The following STPG2 variants were observed in gnomAD, a reference collection of about 807,000 sequenced individuals.
STPG2 encodes sperm-tail PG-rich repeat-containing protein 2.
In STPG2, 56 loss-of-function variants were observed where a neutral mutation model predicts 54.2. That is an observed-to-expected ratio of 1.03 (90% CI 0.83 to 1.29). The LOEUF (loss-of-function observed/expected upper bound fraction) is 1.29, where lower values mean the gene tolerates loss of function less well. STPG2 is among the 50% of genes most tolerant of loss of function. The pLI, the probability that STPG2 is intolerant of heterozygous loss-of-function variation, is 0.00. For synonymous variants in STPG2, 200 were observed against 181.8 expected (o/e 1.10, Z -0.81); for missense variants, 596 against 544.9 (o/e 1.09, Z -0.93).
chr4:97,930,335 T>C (rs1339499508), intron 8 of STPG2, among the ~76,000 whole-genome samples: 1 of 152,238 alleles, frequency 6.6e-6, no homozygotes, highest in Non-Finnish European at 1.5e-5. Flanking sequence ...TCTTTAATCA[T>C]CTTGAGTTGT....
At chr4:97,530,776 G>A (rs1274717263) in intron 4 of STPG2, among the ~76,000 whole-genome samples, 2 of 151,956 alleles carry the variant, frequency 1.3e-5, no homozygotes, top group Non-Finnish European at 2.9e-5. Flanking sequence ...ATTGTCAATG[G>A]CACCCCTCCC....
In STPG2 at chr4:97,981,235, T is replaced by C. The variant is rs775780937; in HGVS notation, c.696A>G (p.Thr232=). ...PRTALKSLKK[T]SGLKNIPFGQ... is the part of the protein sequence containing the mutation. Reference sequence around the variant, plus strand: ...CAAATGGAATATTTTTCAGTCCTGATGTTTTCTTCAAAGACTTGAGAGCAG... The same window carrying C: ...CAAATGGAATATTTTTCAGTCCTGACGTTTTCTTCAAAGACTTGAGAGCAG... Residue 232 remains threonine (T), a synonymous_variant, in exon 6 of 11, where the codon ACA becomes ACG. Coordinates refer to ENST00000295268, the MANE Select transcript of STPG2 (RefSeq NM_174952.3). The C allele has an allele frequency of 9.3e-6, 15 of 1,613,940 alleles. No homozygotes were observed. The highest frequency in any genetic ancestry group is 1.2e-5 in the Non-Finnish European group (14 of 1,179,962).
Position 97,816,166 on chromosome 4 carries a change from T to C in STPG2, c.1204+24607A>G, listed in dbSNP as rs1000503779. 4.6e-5 allele frequency among the ~76,000 whole-genome samples: 7 copies of C among 152,204 alleles called. 1 individual carries two copies. The highest frequency in any genetic ancestry group is 9.6e-5 in the African/African-American group (4 of 41,456). On this transcript the variant is annotated intron_variant, in intron 9 of 10. Transcript: ENST00000295268. ...AGTTCATGTGTTAGTTTGCTGAGAATGATGGCTTCCAGCTTCATCCATGTC... is the reference window on the plus strand; with the variant it reads ...AGTTCATGTGTTAGTTTGCTGAGAACGATGGCTTCCAGCTTCATCCATGTC...
intron 9 of STPG2, among the ~76,000 whole-genome samples, chr4:97,833,133 A>C (rs1404476892): frequency 6.6e-6 from 1 of 152,200 alleles, no homozygotes; most frequent in Admixed American, 6.5e-5. Flanking sequence ...ACAGTAACAA[A>C]AACAGCATGG....
intron 5 of STPG2, among the ~76,000 whole-genome samples, chr4:98,010,580 A>G (rs1387291626): frequency 6.6e-6 from 1 of 152,144 alleles, no homozygotes; most frequent in East Asian, 1.9e-4. Flanking sequence ...TTTTGTTTCA[A>G]TCATTCAGCC....
At chr4:97,691,549 G>A (rs1318035507) in intron 10 of STPG2, among the ~76,000 whole-genome samples, 1 of 152,010 alleles carries the variant, frequency 6.6e-6, no homozygotes, top group Non-Finnish European at 1.5e-5. Context: ...TCTAAGCTCA[G>A]ACACACCTAA....
At chr4:97,443,823 CAGG>C in intron 4 of STPG2, among the ~76,000 whole-genome samples, 1 of 152,180 alleles carries the variant, frequency 6.6e-6, no homozygotes, top group East Asian at 1.9e-4. Flanking sequence ...CTAGGCATGT[CAGG>C]AGATATAATC....
rs768014726 is a variant in STPG2, at chr4:97,972,308, C to A, written c.905G>T (p.Cys302Phe). The stretch of plus-strand genomic sequence containing the variant: ...ATAATCAGCAGGTCCAGGGGTAGCA[C>A]AAGCTTCTTTCTGAACCGAGAAGAA... ...RTFFSVQKEA[C>F]ATPGPADYQE... The change falls in exon 7 of 11, where the codon TGT (cysteine) becomes TTT (phenylalanine). Residue 302 changes from cysteine (C) to phenylalanine (F), a missense_variant. Transcript: ENST00000295268. The A allele has an allele frequency of 1.9e-6, 3 of 1,603,164 alleles. No individual in the cohort carries two copies. Among genetic ancestry groups the A allele is most frequent in the Non-Finnish European group, 2.6e-6 (3 of 1,175,040 alleles).
chr4:97,806,462 C>T (rs970217132), intron 9 of STPG2, among the ~76,000 whole-genome samples: 5 of 151,154 alleles, frequency 3.3e-5, no homozygotes, highest in African/African-American at 1.2e-4. Flanking sequence ...ACCTCAGCAT[C>T]ACACAATATA....
intron 9 of STPG2, among the ~76,000 whole-genome samples, chr4:97,817,353 A>G (rs999531525): frequency 2.0e-4 from 30 of 151,952 alleles, no homozygotes; most frequent in African/African-American, 7.2e-4. Context: ...TTCACAATCT[A>G]TTACTATAAA....
chr4:97,522,463 G>A (rs1731202940), intron 4 of STPG2, among the ~76,000 whole-genome samples: 2 of 151,898 alleles, frequency 1.3e-5, no homozygotes, highest in Non-Finnish European at 2.9e-5. Context: ...AATGGAATAT[G>A]GTCGAAATGA....
At chr4:97,556,629 T>G (rs763010406), downstream of STPG2, among the ~76,000 whole-genome samples, 1 of 152,150 alleles carries the variant, frequency 6.6e-6, no homozygotes, top group Admixed American at 6.5e-5. Flanking sequence ...AAGTATTTAA[T>G]AAGCCAGAAC....
At chr4:97,978,448 G>C (rs1005193162) in intron 6 of STPG2, among the ~76,000 whole-genome samples, 3 of 152,144 alleles carry the variant, frequency 2.0e-5, no homozygotes, top group African/African-American at 7.2e-5. Flanking sequence ...TTATAAGTGG[G>C]AGCAAAATAA....
intron 8 of STPG2, among the ~76,000 whole-genome samples, chr4:97,896,239 G>T (rs1477462164): frequency 6.6e-6 from 1 of 151,742 alleles, no homozygotes; most frequent in Admixed American, 6.6e-5. Flanking sequence ...TGGCAAGAGA[G>T]ACAGAATTAT....
At chr4:97,992,596 C>T (rs147520082) in intron 5 of STPG2, among the ~76,000 whole-genome samples, 99 of 151,926 alleles carry the variant, frequency 6.5e-4, no homozygotes, top group African/African-American at 2.0e-3. Context: ...TTTTTGGTTC[C>T]GTATGAATTT....
intron 4 of STPG2, among the ~76,000 whole-genome samples, chr4:97,495,440 T>C (rs1260959564): frequency 2.0e-5 from 3 of 151,392 alleles, no homozygotes; most frequent in African/African-American, 4.8e-5. Flanking sequence ...TTTTGTATAG[T>C]ATTCGTTTTT....
chr4:97,952,089 T>C (rs1733494030), intron 7 of STPG2, among the ~76,000 whole-genome samples: 1 of 152,120 alleles, frequency 6.6e-6, no homozygotes, highest in African/African-American at 2.4e-5. Context: ...CCTATTTTCA[T>C]CTTCAGGAAT....
At chr4:97,918,424 A>T (rs141460172) in intron 8 of STPG2, among the ~76,000 whole-genome samples, 2 of 152,152 alleles carry the variant, frequency 1.3e-5, no homozygotes, top group African/African-American at 4.8e-5. Flanking sequence ...TCACAAAGTG[A>T]TGATGGGTCA....
At chr4:97,985,949 A>AACACAC (rs72477988) in intron 5 of STPG2, among the ~76,000 whole-genome samples, 1 of 144,416 alleles carries the variant, frequency 6.9e-6, no homozygotes, top group Non-Finnish European at 1.6e-5. Flanking sequence ...AGCGCACACA[A>AACACAC]ACACACACAC....
Sources: gnomAD v4.1 joint callset for allele counts (sites outside exome capture counted in the v4.1 genomes callset) on GRCh38, gnomAD v4.1.1 for gene constraint, MANE v1.5 for transcripts, NCBI Gene and HGNC (gene_info 2026-07-23, HGNC 2026-07-21) for gene names.